The following PRPF18 variants were observed in gnomAD, a reference collection of about 807,000 sequenced individuals.
The protein encoded by PRPF18 is pre-mRNA processing factor 18, also known as pre-mRNA-splicing factor 18.
PRPF18 carries 38 observed loss-of-function variants against 46.5 expected under a neutral mutation model. That is an observed-to-expected ratio of 0.82 (90% CI 0.63 to 1.07). The LOEUF is 1.07. Ranked by LOEUF, PRPF18 falls within the 50% of genes least tolerant of loss-of-function variation. The pLI is 0.00. For missense variants in PRPF18, 263 were observed against 410.0 expected (o/e 0.64, Z 3.10); for synonymous variants, 152 against 146.7 (o/e 1.04, Z -0.26).
intron 1 of PRPF18, chr10:13,591,510 G>T: frequency 1.4e-6 from 1 of 707,076 alleles, no homozygotes; most frequent in Non-Finnish European, 2.6e-6. Flanking sequence ...AACACAGATC[G>T]CAGGTAGTCC....
downstream of PRPF18, among the ~76,000 whole-genome samples, chr10:13,633,174 C>T (rs2080605456): frequency 6.6e-6 from 1 of 152,160 alleles, no homozygotes; most frequent in African/African-American, 2.4e-5. Context: ...AGACAAAGGA[C>T]AGTCCGAATC....
chr10:13,628,630 TACTG>T (rs1318687218), intron 9 of PRPF18, among the ~76,000 whole-genome samples: 1 of 152,226 alleles, frequency 6.6e-6, no homozygotes, highest in Non-Finnish European at 1.5e-5. Context: ...AACCCATGGA[TACTG>T]ACTGTGATTA....
chr10:13,610,184 A>T lies in PRPF18; in HGVS notation c.509A>T (p.Glu170Val). ...GAAAACACCACAATTGAAGAGTTAGAGGTAATCTCTACACCAAGCCCAGCA... is the reference window on the plus strand; with the variant it reads ...GAAAACACCACAATTGAAGAGTTAGTGGTAATCTCTACACCAAGCCCAGCA... The part of the protein sequence containing the change: ...HEENTTIEEL[E>V]ALGESLGKGD... Residue 170 changes from glutamate (E) to valine (V), a missense_variant and splice_region_variant, in exon 5 of 10, where the codon GAG (glutamate) becomes GTG (valine). This residue lies in a region of PRPF18 where 155 missense variants were observed against 245.1 expected (regional missense o/e 0.63). Coordinates refer to ENST00000378572, the MANE Select transcript of PRPF18 (RefSeq NM_003675.4). 1 of 1,613,584 alleles carries T rather than the reference A, an allele frequency of 6.2e-7. No homozygotes were observed. Among genetic ancestry groups the T allele is most frequent in the Non-Finnish European group, 8.5e-7 (1 of 1,179,612 alleles).
rs2080549138 is a variant in PRPF18 at position 13,628,824 on chromosome 10, G to A, written c.949-1436G>A. Among the ~76,000 whole-genome samples, 3 of 152,220 alleles carry A rather than the reference G, an allele frequency of 2.0e-5. No individual in the cohort carries two copies. The South Asian group carries it at 6.2e-4, about 31-fold the overall frequency. On this transcript the variant is annotated intron_variant, in intron 9 of 9. Transcript: ENST00000378572. ...AATGTGTGTGTTAATGAATTGCACA[G>A]TGAATAGGATTCATTGCTGGTTACA...
the PRPF18 span, among the ~76,000 whole-genome samples, chr10:13,636,099 A>G: frequency 2.0e-5 from 3 of 152,216 alleles, no homozygotes; most frequent in Admixed American, 2.0e-4. Context: ...ACAAGGTATT[A>G]CAAAATAAAT....
At chr10:13,604,540 T>C (rs920187573) in intron 3 of PRPF18, among the ~76,000 whole-genome samples, 2 of 152,130 alleles carry the variant, frequency 1.3e-5, no homozygotes, top group Non-Finnish European at 2.9e-5. Context: ...GAGGGAGAAG[T>C]TTTTGGTTTC....
intron 3 of PRPF18, 83 bp downstream of exon 3, chr10:13,600,431 G>A (rs537761477): frequency 4.7e-5 from 49 of 1,036,528 alleles, no homozygotes; most frequent in East Asian, 2.7e-4. Flanking sequence ...TAAGTTAAAC[G>A]TCATTATTTC....
intron 1 of PRPF18, among the ~76,000 whole-genome samples, chr10:13,596,828 G>A (rs553071526): frequency 2.6e-5 from 4 of 152,102 alleles, no homozygotes; most frequent in Non-Finnish European, 4.4e-5. Flanking sequence ...TCCAGCCCGC[G>A]TGACAGAGAG....
chr10:13,632,234 G>T (rs945294130), downstream of PRPF18, among the ~76,000 whole-genome samples: 1 of 152,012 alleles, frequency 6.6e-6, no homozygotes, highest in Non-Finnish European at 1.5e-5. Flanking sequence ...CCAGCTACTC[G>T]GGAGGCTGAG....
chr10:13,640,354 T>C, the PRPF18 span: 2 of 152,326 alleles, frequency 1.3e-5, no homozygotes, highest in South Asian at 4.1e-4. Flanking sequence ...GTCCGAGATA[T>C]AATAGGCAAC....
At chr10:13,623,556 C>T (rs1300399079) in intron 9 of PRPF18, among the ~76,000 whole-genome samples, 1 of 152,036 alleles carries the variant, frequency 6.6e-6, no homozygotes, top group African/African-American at 2.4e-5. Context: ...TGTAGACTAG[C>T]AAAAGGTACA....
chr10:13,628,023 G>A (rs192598928), intron 9 of PRPF18, among the ~76,000 whole-genome samples: 3 of 152,088 alleles, frequency 2.0e-5, no homozygotes, highest in Non-Finnish European at 4.4e-5. Flanking sequence ...CATGGCTACC[G>A]ATCAAAGTTC....
chr10:13,596,972 T>C (rs1423584113), intron 1 of PRPF18, among the ~76,000 whole-genome samples: 1 of 152,174 alleles, frequency 6.6e-6, no homozygotes, highest in Non-Finnish European at 1.5e-5. Flanking sequence ...CTGATTGATA[T>C]AATAAGGTTC....
At chr10:13,629,041 A>G (rs544140584) in intron 9 of PRPF18, among the ~76,000 whole-genome samples, 33 of 152,372 alleles carry the variant, frequency 2.2e-4, no homozygotes, top group South Asian at 4.1e-4. Flanking sequence ...CTGAAAGATC[A>G]CAGACTGAAG....
At chr10:13,629,433 A>T (rs1220229396) in intron 9 of PRPF18, among the ~76,000 whole-genome samples, 1 of 152,264 alleles carries the variant, frequency 6.6e-6, no homozygotes, top group Non-Finnish European at 1.5e-5. Context: ...AAGTAATAAA[A>T]TGAATGTCTA....
chr10:13,610,612 A>G (rs1368657042), intron 5 of PRPF18, among the ~76,000 whole-genome samples: 1 of 152,146 alleles, frequency 6.6e-6, no homozygotes, highest in Admixed American at 6.5e-5. Flanking sequence ...ATAGGATTCC[A>G]TGTGTTACGC....
intron 1 of PRPF18, among the ~76,000 whole-genome samples, chr10:13,596,465 A>G (rs1305272330): frequency 6.6e-6 from 1 of 152,218 alleles, no homozygotes; most frequent in Non-Finnish European, 1.5e-5. Flanking sequence ...TGTCTGAGTG[A>G]ATGAGCTTTG....
intron 9 of PRPF18, among the ~76,000 whole-genome samples, chr10:13,622,949 A>T (rs1231213351): frequency 2.0e-5 from 3 of 152,214 alleles, no homozygotes; most frequent in African/African-American, 7.2e-5. Flanking sequence ...CTGTAATCCC[A>T]GCACTTTGGG....
Position 13,586,971 on chromosome 10 carries a change from T to A in PRPF18, c.-116T>A, listed in dbSNP as rs571077717. ...GCCGGAAGCGGCTCCTGTCAGTTGTTCTCAGGTGTTTGGGCTTGTTGTTCC... is the reference window on the plus strand; with the variant it reads ...GCCGGAAGCGGCTCCTGTCAGTTGTACTCAGGTGTTTGGGCTTGTTGTTCC... On this transcript the variant is annotated 5_prime_UTR_variant, in exon 1 of 10. Coordinates refer to ENST00000378572, the MANE Select transcript of PRPF18 (RefSeq NM_003675.4). 9.3e-7 allele frequency: 1 copy of A among 1,071,006 alleles called. No individual in the cohort carries two copies. Among genetic ancestry groups the A allele is most frequent in the East Asian group, 2.4e-5 (1 of 42,266 alleles). 66.3% of individuals were successfully genotyped at this position (1,071,006 alleles called of 1,614,324 possible).
Sources: gnomAD v4.1 joint callset for allele counts (sites outside exome capture counted in the v4.1 genomes callset) on GRCh38, gnomAD v4.1.1 for gene constraint, gnomAD v4.1.1 regional missense constraint, MANE v1.5 for transcripts, NCBI Gene and HGNC (gene_info 2026-07-23, HGNC 2026-07-21) for gene names.